SNAP47: variants seen among roughly 807,000 people sequenced by gnomAD.
The protein encoded by SNAP47 is synaptosomal-associated protein 47.
In SNAP47, 20 loss-of-function variants were observed where a neutral mutation model predicts 31.4. The observed-to-expected ratio is 0.64, with a 90% CI of 0.45 to 0.93. SNAP47 has a LOEUF of 0.93. Among genes scored for constraint, SNAP47 ranks in the 40% least tolerant of loss-of-function variants. The pLI is 0.00. For synonymous variants in SNAP47, 194 were observed against 213.4 expected, an observed-to-expected ratio of 0.91 and a Z score of 0.79; for missense variants, 492 against 528.5, an observed-to-expected ratio of 0.93 and a Z score of 0.68.
intron 2 of SNAP47, among the ~76,000 whole-genome samples, chr1:227,748,453 A>G (rs1662125920): frequency 6.6e-6 from 1 of 152,244 alleles, no homozygotes; most frequent in African/African-American, 2.4e-5. Flanking sequence ...TGCTGGAAAC[A>G]CACCGTGAGA....
intron 4 of SNAP47, among the ~76,000 whole-genome samples, chr1:227,772,558 G>A (rs1358582909): frequency 6.6e-6 from 1 of 152,146 alleles, no homozygotes; most frequent in Non-Finnish European, 1.5e-5. Context: ...AAGCGTTCAC[G>A]TGAGCATCTG....
intron 3 of SNAP47, among the ~76,000 whole-genome samples, chr1:227,765,742 C>G (rs1025572933): frequency 6.6e-6 from 1 of 152,190 alleles, no homozygotes; most frequent in Non-Finnish European, 1.5e-5. Context: ...TCCCCACTTG[C>G]ACTCGCACCC....
intron 1 of SNAP47, among the ~76,000 whole-genome samples, chr1:227,739,716 C>A (rs564408557): frequency 6.6e-6 from 1 of 152,204 alleles, no homozygotes; most frequent in African/African-American, 2.4e-5. Context: ...TTGTACAGAT[C>A]GCCCTGCGTG....
At chr1:227,773,258 A>T (rs1663941643) in intron 4 of SNAP47, among the ~76,000 whole-genome samples, 1 of 150,252 alleles carries the variant, frequency 6.7e-6, no homozygotes, top group African/African-American at 2.5e-5. Flanking sequence ...GGCATGAGCC[A>T]CTGTGCCTGG....
intron 2 of SNAP47, among the ~76,000 whole-genome samples, chr1:227,758,469 G>C (rs1298552971): frequency 6.6e-6 from 1 of 152,222 alleles, no homozygotes; most frequent in Non-Finnish European, 1.5e-5. Flanking sequence ...GGAATCTGGA[G>C]CATGCGGACG....
At chr1:227,747,501 T>C (rs2102916347) in intron 1 of SNAP47, among the ~76,000 whole-genome samples, 191 bp from the exon 2 acceptor site, 1 of 152,272 alleles carries the variant, frequency 6.6e-6, no homozygotes, top group Admixed American at 6.5e-5. Flanking sequence ...GCCCTCCTGC[T>C]CTGGCTGCTC....
Position 227,780,680 on chromosome 1 carries a change from A to T in SNAP47, c.*7A>T. 6.2e-7 allele frequency: 1 copy of T among 1,613,994 alleles called. No homozygotes were observed. The highest frequency in any genetic ancestry group is 8.5e-7 in the Non-Finnish European group (1 of 1,179,958). ...GATGAAGAGGCTGACCTAGGGGCAG[A>T]ACGTCCCTGCATTCCTGTCTCACCC... On this transcript the variant is annotated 3_prime_UTR_variant, in exon 5 of 5. Coordinates refer to ENST00000617596, the MANE Select transcript of SNAP47 (RefSeq NM_053052.4).
At chr1:227,738,739 T>C (rs991905829) in intron 1 of SNAP47, among the ~76,000 whole-genome samples, 33 of 152,106 alleles carry the variant, frequency 2.2e-4, no homozygotes, top group African/African-American at 7.7e-4. Flanking sequence ...GAGCAGAGTG[T>C]TTATAATTGT....
chr1:227,768,999 T>A (rs1663617782), intron 4 of SNAP47, among the ~76,000 whole-genome samples: 1 of 152,212 alleles, frequency 6.6e-6, no homozygotes, highest in Admixed American at 6.5e-5. Context: ...GGTGGCCATG[T>A]AGTTGGAGAG....
chr1:227,729,031 G>A (rs1241782287), intron 1 of SNAP47, among the ~76,000 whole-genome samples: 1 of 152,230 alleles, frequency 6.6e-6, no homozygotes, highest in Non-Finnish European at 1.5e-5. Flanking sequence ...GGTCTGATTA[G>A]GGCGTGGGGC....
At chr1:227,765,360 A>G (rs1473174101) in intron 3 of SNAP47, among the ~76,000 whole-genome samples, 2 of 152,094 alleles carry the variant, frequency 1.3e-5, no homozygotes, top group Non-Finnish European at 2.9e-5. Context: ...GACGGGGGCC[A>G]CCCTGTGATC....
intron 4 of SNAP47, among the ~76,000 whole-genome samples, chr1:227,779,212 C>T (rs762421303): frequency 2.0e-4 from 30 of 152,214 alleles, no homozygotes; most frequent in Non-Finnish European, 2.8e-4. Context: ...CTGTCCTGGC[C>T]GCCTTCATAC....
chr1:227,769,168 A>G (rs1663631238), intron 4 of SNAP47, among the ~76,000 whole-genome samples: 1 of 152,176 alleles, frequency 6.6e-6, no homozygotes, highest in African/African-American at 2.4e-5. Context: ...CTGGGGCTGC[A>G]TGGGCACTGC....
At chr1:227,742,575 GAA>G in intron 1 of SNAP47, among the ~76,000 whole-genome samples, 1 of 152,194 alleles carries the variant, frequency 6.6e-6, no homozygotes, top group Non-Finnish European at 1.5e-5. Flanking sequence ...CCACACTCCT[GAA>G]ATACCTCCCA....
chr1:227,740,186 C>T lies in SNAP47; in HGVS notation c.-46+4687C>T, dbSNP rs1013558708. On this transcript the variant is annotated intron_variant, in intron 1 of 4. Coordinates refer to ENST00000617596, the MANE Select transcript of SNAP47 (RefSeq NM_053052.4). ...AGGAAGCCCTCCGAACAGAGACCTG[C>T]GGAGTGGAGCCACCAATGAGACTCC... 6.6e-4 allele frequency among the ~76,000 whole-genome samples: 100 copies of T among 152,290 alleles called. 2 individuals are homozygous for T. Among genetic ancestry groups the T allele is most frequent in the Admixed American group, 2.6e-4 (4 of 15,296 alleles).
chr1:227,749,422 G>A (rs1443593756), intron 2 of SNAP47, among the ~76,000 whole-genome samples: 1 of 152,138 alleles, frequency 6.6e-6, no homozygotes, highest in Non-Finnish European at 1.5e-5. Context: ...GGTCCATCTG[G>A]GAGCCGAGGA....
chr1:227,764,442 C>T (rs372469038), intron 3 of SNAP47, among the ~76,000 whole-genome samples: 6 of 152,282 alleles, frequency 3.9e-5, no homozygotes, highest in African/African-American at 9.6e-5. Context: ...AAAGCCATGT[C>T]GTAGGTAGGG....
At chr1:227,744,476 G>A (rs1467002757) in intron 1 of SNAP47, among the ~76,000 whole-genome samples, 1 of 152,118 alleles carries the variant, frequency 6.6e-6, no homozygotes, top group Non-Finnish European at 1.5e-5. Flanking sequence ...TGAAGGAGTC[G>A]GGTCATTTCG....
chr1:227,732,636 A>T, upstream of SNAP47: 2 of 1,613,452 alleles, frequency 1.2e-6, no homozygotes, highest in Non-Finnish European at 1.7e-6. Flanking sequence ...GAAGTGGTAA[A>T]ACTCTTCAAA....
Sources: allele counts gnomAD v4.1 joint callset (sites outside exome capture counted in the v4.1 genomes callset), GRCh38; gene constraint gnomAD v4.1.1; transcripts MANE v1.5; gene names NCBI Gene and HGNC (gene_info 2026-07-23, HGNC 2026-07-21).